Variants in RELB observed in about 807,000 individuals in gnomAD.
RELB encodes RELB proto-oncogene, NF-kB subunit.
RELB carries 14 observed loss-of-function variants against 55.4 expected under a neutral mutation model. The ratio of observed to expected loss-of-function variants is 0.25; its 90% CI spans 0.17 to 0.40. The LOEUF is 0.40. Among genes scored for constraint, RELB ranks in the 10% least tolerant of loss-of-function variants. RELB has a pLI of 1.00. For missense variants in RELB, 669 were observed against 830.7 expected, an observed-to-expected ratio of 0.81 and a Z score of 2.39; for synonymous variants, 409 against 371.3, an observed-to-expected ratio of 1.10 and a Z score of -1.17.
chr19:45,002,816 G>C (rs928903792), intron 1 of RELB, 133 bp from the exon 2 acceptor site: 1 of 672,106 alleles, frequency 1.5e-6, no homozygotes, highest in Non-Finnish European at 2.6e-6. Context: ...CCAGACGCAG[G>C]GGGGCAGTCA....
chr19:45,012,146 C>G lies in RELB; in HGVS notation c.374C>G (p.Pro125Arg). 6.4e-7 allele frequency: 1 copy of G among 1,561,688 alleles called. No homozygotes were observed. Among genetic ancestry groups the G allele is most frequent in the Non-Finnish European group, 8.6e-7 (1 of 1,162,828 alleles). ...VSPAPGPGPQ[P>R]HLVITEQPKQ... Reference sequence around the variant, plus strand: ...CCAGCGCCGGGCCCGGGCCCGCAGCCGCACCTGGTCATCACGGAGCAGCCC... The same window carrying G: ...CCAGCGCCGGGCCCGGGCCCGCAGCGGCACCTGGTCATCACGGAGCAGCCC... Residue 125 changes from proline to arginine, a missense_variant, in exon 4 of 12, where the codon CCG (proline) becomes CGG (arginine). Physicochemically the swap from Pro to Arg is moderately radical, Grantham distance 103 (BLOSUM62 -2). This residue lies in a region of RELB where 323 missense variants were observed against 368.5 expected (regional missense o/e 0.88). Transcript: ENST00000221452.
chr19:45,006,422 T>C (rs1242686737), intron 2 of RELB, among the ~76,000 whole-genome samples: 1 of 151,858 alleles, frequency 6.6e-6, no homozygotes, highest in East Asian at 2.0e-4. Flanking sequence ...CAGGCTTGTC[T>C]CAAAATCCTG....
rs1356746101 is a variant in RELB, at chr19:45,037,986, G to A, written c.*196G>A. 5.1e-5 allele frequency: 25 copies of A among 491,728 alleles called. No homozygotes were observed. The highest frequency in any genetic ancestry group is 7.4e-5 in the Non-Finnish European group (22 of 296,554). 30.5% of individuals were successfully genotyped at this position (491,728 alleles called of 1,614,324 possible). On this transcript the variant is annotated 3_prime_UTR_variant, in exon 12 of 12. Transcript: ENST00000221452. ...TTTTACAGATGAGGAAACTGAGTCC[G>A]GAGAGGAAAAGGGACATGGCTCCCG...
At chr19:45,021,866 C>T (rs1330981152) in intron 4 of RELB, 187 bp from the exon 5 acceptor site, 4 of 536,742 alleles carry the variant, frequency 7.5e-6, no homozygotes, top group Non-Finnish European at 1.3e-5. Context: ...TGAGCCACCT[C>T]GCCCGGCCCA....
At chr19:45,010,251 G>T (rs1484343886) in intron 3 of RELB, among the ~76,000 whole-genome samples, 5 of 147,354 alleles carry the variant, frequency 3.4e-5, no homozygotes, top group Non-Finnish European at 6.0e-5. Flanking sequence ...GGAAGCCGAG[G>T]CTGCAGTGAG....
At chr19:45,012,694 A>G (rs1449980915) in intron 4 of RELB, among the ~76,000 whole-genome samples, 1 of 150,742 alleles carries the variant, frequency 6.6e-6, no homozygotes, top group Non-Finnish European at 1.5e-5. Context: ...CTGAGATTGC[A>G]CCATTGCATA....
chr19:45,028,094 A>G (rs1207671231), intron 7 of RELB, among the ~76,000 whole-genome samples: 1 of 151,904 alleles, frequency 6.6e-6, no homozygotes. Context: ...CATGTTACCC[A>G]GGCTGGTCCA....
intron 4 of RELB, 99 bp from the exon 5 acceptor site, chr19:45,021,954 G>C (rs1330628461): frequency 4.2e-6 from 5 of 1,197,994 alleles, no homozygotes; most frequent in Non-Finnish European, 5.8e-6. Context: ...GGACCCTAGT[G>C]GGGAGAGGAT....
chr19:45,022,140 C>T lies in RELB; in HGVS notation c.592C>T (p.Leu198Phe). 6.2e-7 allele frequency: 1 copy of T among 1,613,174 alleles called. No individual in the cohort carries two copies. Among genetic ancestry groups the T allele is most frequent in the Non-Finnish European group, 8.5e-7 (1 of 1,179,620 alleles). The stretch of plus-strand genomic sequence containing the variant: ...GCCTCACCGAGTCCACCCCCACAGC[C>T]TCGTGGGGAAAGACTGCACCGACGG... ...DWPHRVHPHS[L>F]VGKDCTDGIC... Residue 198 changes from leucine (L) to phenylalanine (F), a missense_variant, in exon 5 of 12, where the codon CTC (leucine) becomes TTC (phenylalanine). Transcript: ENST00000221452.
At chr19:45,024,224 C>A (rs1351997202) in intron 5 of RELB, among the ~76,000 whole-genome samples, 1 of 151,234 alleles carries the variant, frequency 6.6e-6, no homozygotes, top group Admixed American at 6.6e-5. Flanking sequence ...TGCAGTGGCG[C>A]GATCTCGGCT....
chr19:45,008,563 T>G (rs1453464966), intron 2 of RELB: 2 of 456,132 alleles, frequency 4.4e-6, no homozygotes, highest in Middle Eastern at 3.3e-4. Flanking sequence ...CCAGCCTCAG[T>G]ATCCCCATCT....
intron 4 of RELB, among the ~76,000 whole-genome samples, chr19:45,018,702 G>A (rs1971449784): frequency 6.7e-6 from 1 of 150,362 alleles, no homozygotes; most frequent in Non-Finnish European, 1.5e-5. Context: ...TTGAGACAGA[G>A]TTTCGCTCTT....
chr19:45,022,053 C>T lies in RELB; in HGVS notation c.505C>T (p.Leu169Phe). ...CCAAAGAGGACTTCTCTTCCTGCAG[C>T]TCCGGGATTGTGGAGGGCTGCGGGA... Reference protein sequence around the residue: ...EASKTLPAIELRDCGGLREVE... With the variant: ...EASKTLPAIEFRDCGGLREVE... The change falls in exon 5 of 12, where the codon CTC becomes TTC. Residue 169 changes from leucine (L) to phenylalanine (F), a missense_variant and splice_region_variant. Leu to Phe is a conservative substitution (Grantham distance 22). This residue lies in a region of RELB where 323 missense variants were observed against 368.5 expected (regional missense o/e 0.88). Transcript: ENST00000221452. 4 of 1,607,226 alleles carry T rather than the reference C, an allele frequency of 2.5e-6. No homozygotes were observed. Among genetic ancestry groups the T allele is most frequent in the Non-Finnish European group, 3.4e-6 (4 of 1,176,210 alleles).
At position 45,025,290 on chromosome 19, in the gene RELB, CT is replaced by C. The variant is rs769057103; in HGVS notation, c.663-38del. ...TGCAGGTTAGGGCCACACTTGCCTG[CT>C]CACGAGCACTCCTCTCCCTCCCCCG... On this transcript the variant is annotated intron_variant, in intron 5 of 11. Transcript: ENST00000221452. 2.4e-5 allele frequency: 35 copies of C among 1,462,160 alleles called. 1 individual carries two copies. The South Asian group carries it at 4.2e-4, about 18-fold the overall frequency. The allele number at this position is 1,462,160 out of a possible 1,614,324, so 90.6% of individuals were successfully genotyped here.
Position 45,007,687 on chromosome 19 carries a change from G to A in RELB, c.155-2127G>A, listed in dbSNP as rs1445788996. ...AGCCTGGCCAACATGGTGAAACCCC[G>A]TCTCTACTAAAAGTACAAAAATTAG... On this transcript the variant is annotated intron_variant, in intron 2 of 11. Coordinates refer to ENST00000221452, the MANE Select transcript of RELB (RefSeq NM_006509.4). Among the ~76,000 whole-genome samples, 11 of 152,014 alleles carry A rather than the reference G, an allele frequency of 7.2e-5. 1 individual carries two copies. In the South Asian group the frequency reaches 8.3e-4, roughly 12 times the overall value.
chr19:45,037,312 T>G, intron 11 of RELB, 93 bp from the exon 12 acceptor site: 1 of 1,237,136 alleles, frequency 8.1e-7, no homozygotes, highest in Non-Finnish European at 1.1e-6. Flanking sequence ...CACCTTGATA[T>G]CACATTTTGC....
chr19:45,012,652 G>A (rs1259076064), intron 4 of RELB, among the ~76,000 whole-genome samples: 2 of 151,564 alleles, frequency 1.3e-5, no homozygotes, highest in Non-Finnish European at 2.9e-5. Flanking sequence ...GGGAGGATTA[G>A]CTGAGCCCAG....
rs906425059 is a variant in RELB at position 45,032,745 on chromosome 19, C to G, written c.1203C>G (p.Asp401Glu). 4.4e-6 allele frequency: 7 copies of G among 1,603,106 alleles called. No individual in the cohort carries two copies. The highest frequency in any genetic ancestry group is 4.3e-6 in the Non-Finnish European group (5 of 1,174,802). ...TGCCTTTCACGTACCTGCCTCGCGACCATGGTAACTACAGCAACCCAGGGT... is the reference window on the plus strand; with the variant it reads ...TGCCTTTCACGTACCTGCCTCGCGAGCATGGTAACTACAGCAACCCAGGGT... ...EPLPFTYLPRDHDSYGVDKKR... is the reference protein window; with the variant it reads ...EPLPFTYLPREHDSYGVDKKR... The change falls in exon 9 of 12, where the codon GAC (aspartate) becomes GAG (glutamate). Residue 401 changes from aspartate to glutamate, a missense_variant. Coordinates refer to ENST00000221452, the MANE Select transcript of RELB (RefSeq NM_006509.4).
chr19:45,029,285 T>G (rs118031832), intron 8 of RELB, among the ~76,000 whole-genome samples: 1 of 152,252 alleles, frequency 6.6e-6, no homozygotes, highest in Non-Finnish European at 1.5e-5. Context: ...GACTCTGATG[T>G]TAAGGGTGGA....
Sources: allele counts gnomAD v4.1 joint callset (sites outside exome capture counted in the v4.1 genomes callset), GRCh38; gene constraint gnomAD v4.1.1; regional missense constraint gnomAD v4.1.1; transcripts MANE v1.5; gene names NCBI Gene and HGNC (gene_info 2026-07-23, HGNC 2026-07-21).